The following HERC4 variants were observed in gnomAD, a reference collection of about 807,000 sequenced individuals.
HERC4 encodes the protein probable E3 ubiquitin-protein ligase HERC4.
HERC4 carries 28 observed loss-of-function variants against 124.3 expected under a neutral mutation model. The observed-to-expected ratio is 0.23, with a 90% CI of 0.17 to 0.31. HERC4 has a LOEUF of 0.31. HERC4 is among the 10% of genes least tolerant of loss of function. HERC4 has a pLI of 1.00. For missense variants in HERC4, 713 were observed against 1,229.3 expected (o/e 0.58, Z 6.28); for synonymous variants, 407 against 421.5 (o/e 0.97, Z 0.42).
chr10:68,041,014 T>C (rs967306384), intron 4 of HERC4, among the ~76,000 whole-genome samples: 2 of 152,136 alleles, frequency 1.3e-5, no homozygotes, highest in African/African-American at 4.8e-5. Context: ...TTTGGGACTC[T>C]GCTAAAGCAT....
intron 21 of HERC4, among the ~76,000 whole-genome samples, chr10:67,936,745 G>A (rs1334600063): frequency 6.6e-6 from 1 of 151,858 alleles, no homozygotes; most frequent in Admixed American, 6.6e-5. Context: ...TTTTACTTCT[G>A]GAATTTTTCT....
intron 19 of HERC4, among the ~76,000 whole-genome samples, chr10:67,952,209 C>T (rs191333950): frequency 1.3e-5 from 2 of 152,322 alleles, no homozygotes; most frequent in East Asian, 1.9e-4. Flanking sequence ...GCCTTTTACT[C>T]CCTTCTGTGT....
At chr10:67,929,046 C>G (rs2031489029) in intron 23 of HERC4, among the ~76,000 whole-genome samples, 2 of 152,164 alleles carry the variant, frequency 1.3e-5, no homozygotes, top group Admixed American at 1.3e-4. Context: ...TATTTCTTCT[C>G]TTGTTCATTG....
At chr10:68,070,680 C>G (rs968245854) in intron 3 of HERC4, 1 of 151,898 alleles carries the variant, frequency 6.6e-6, no homozygotes, top group Non-Finnish European at 1.5e-5. Flanking sequence ...AGATGAAGTT[C>G]CTATCACAGC....
intron 9 of HERC4, chr10:67,994,065 C>T (rs142543536): frequency 1.3e-5 from 2 of 152,152 alleles, no homozygotes; most frequent in East Asian, 3.9e-4. Flanking sequence ...CTAGGTTATA[C>T]CAAAAATGAG....
chr10:68,059,079 C>T (rs2040697896), intron 3 of HERC4, among the ~76,000 whole-genome samples: 1 of 152,040 alleles, frequency 6.6e-6, no homozygotes, highest in Non-Finnish European at 1.5e-5. Context: ...GCTCTCTATA[C>T]ATTACTCTCT....
chr10:68,039,928 GTA>G (rs1188543914), intron 4 of HERC4: 1 of 953,804 alleles, frequency 1.0e-6, no homozygotes, highest in Admixed American at 5.7e-5. Context: ...TCACAGTACT[GTA>G]TGTTTTTTCC....
chr10:67,988,982 C>T, intron 14 of HERC4, 147 bp from the exon 15 acceptor site: 3 of 622,412 alleles, frequency 4.8e-6, no homozygotes, highest in South Asian at 2.0e-5. Context: ...TCTTATGTAA[C>T]ATTTGTAAGG....
At chr10:67,953,467 A>G (rs561783022) in intron 19 of HERC4, among the ~76,000 whole-genome samples, 2 of 152,326 alleles carry the variant, frequency 1.3e-5, no homozygotes, top group African/African-American at 4.8e-5. Context: ...ACATTCTGTC[A>G]TAGTAAGTAC....
intron 19 of HERC4, among the ~76,000 whole-genome samples, chr10:67,945,034 T>C (rs2132182560): frequency 6.6e-6 from 1 of 152,326 alleles, no homozygotes; most frequent in South Asian, 2.1e-4. Context: ...ATGGAAAGTT[T>C]GTTCAAAGAG....
At chr10:67,986,649 C>T (rs1459808108) in intron 15 of HERC4, among the ~76,000 whole-genome samples, 1 of 152,148 alleles carries the variant, frequency 6.6e-6, no homozygotes, top group African/African-American at 2.4e-5. Flanking sequence ...AGCCATCACG[C>T]CCAGCCCATA....
intron 16 of HERC4, 25 bp downstream of exon 16, chr10:67,966,658 A>G (rs903687147): frequency 3.1e-6 from 5 of 1,595,504 alleles, no homozygotes; most frequent in Non-Finnish European, 4.3e-6. Flanking sequence ...TAAAAATGAA[A>G]TCACAAATTG....
rs182639465 is a variant in HERC4, at chr10:67,922,205, G to A, written c.*726C>T. 2.8e-4 allele frequency: 42 copies of A among 152,256 alleles called. No homozygotes were observed. The highest frequency in any genetic ancestry group is 9.9e-4 in the African/African-American group (41 of 41,578). The allele number at this position is 152,256 out of a possible 1,614,324, so 9.4% of individuals were successfully genotyped here. ...TATTACTGGCAACTGTGGAGACAGAGTTCTTCCAGTACTAAATATTAATAA... is the reference window on the plus strand; with the variant it reads ...TATTACTGGCAACTGTGGAGACAGAATTCTTCCAGTACTAAATATTAATAA... On this transcript the variant is annotated 3_prime_UTR_variant, in exon 25 of 25. Coordinates refer to ENST00000373700, the MANE Select transcript of HERC4 (RefSeq NM_015601.4).
chr10:67,968,428 A>C (rs902887449), intron 15 of HERC4, among the ~76,000 whole-genome samples: 4 of 151,768 alleles, frequency 2.6e-5, no homozygotes, highest in Admixed American at 2.6e-4. Flanking sequence ...GCTGGAATAC[A>C]GTGGTGTGAT....
intron 23 of HERC4, among the ~76,000 whole-genome samples, chr10:67,926,329 G>A (rs1332186005): frequency 3.3e-5 from 5 of 151,736 alleles, no homozygotes; most frequent in South Asian, 2.1e-4. Context: ...CTTGGGAGAC[G>A]GAGGTTGTAG....
chr10:67,942,710 C>T (rs1482814183), intron 19 of HERC4, among the ~76,000 whole-genome samples: 1 of 152,074 alleles, frequency 6.6e-6, no homozygotes, highest in Non-Finnish European at 1.5e-5. Context: ...GGGGTTTCTC[C>T]ATGTTGGTCA....
intron 22 of HERC4, among the ~76,000 whole-genome samples, chr10:67,935,067 T>A (rs1485432628): frequency 3.3e-5 from 5 of 152,120 alleles, no homozygotes; most frequent in African/African-American, 1.2e-4. Context: ...TCAACCTGCA[T>A]GGTTCCTGGT....
intron 22 of HERC4, among the ~76,000 whole-genome samples, chr10:67,934,965 GTT>G (rs564960902): frequency 8.5e-5 from 12 of 141,004 alleles, no homozygotes; most frequent in Admixed American, 3.5e-4. Context: ...TTTCAAATGA[GTT>G]TTTTTTTTTT....
Position 68,012,542 on chromosome 10 carries a change from G to C in HERC4, c.1069+1484C>G, listed in dbSNP as rs545610976. On this transcript the variant is annotated intron_variant, in intron 9 of 24. Coordinates refer to ENST00000373700, the MANE Select transcript of HERC4 (RefSeq NM_015601.4). ...GAGATAGGACTGGCCAGCTGGTGGA[G>C]CAGTCAGAACATAAACATTTATCAA... Among the ~76,000 whole-genome samples, 8 of 152,302 alleles carry C rather than the reference G, an allele frequency of 5.3e-5. No homozygotes were observed. The East Asian group carries it at 1.3e-3, about 26-fold the overall frequency.
Sources: gnomAD v4.1 joint callset for allele counts (sites outside exome capture counted in the v4.1 genomes callset) on GRCh38, gnomAD v4.1.1 for gene constraint, MANE v1.5 for transcripts, NCBI Gene and HGNC (gene_info 2026-07-23, HGNC 2026-07-21) for gene names.